The following GID8 variants were observed in gnomAD, a reference collection of about 807,000 sequenced individuals.
The protein encoded by GID8 is GID complex subunit 8 homolog.
Under a neutral mutation model 27.4 loss-of-function variants are expected in GID8, and 6 were observed. That is an observed-to-expected ratio of 0.22 (90% CI 0.12 to 0.43). GID8 has a LOEUF of 0.43. Ranked by LOEUF, GID8 falls within the 20% of genes least tolerant of loss-of-function variation. GID8 has a pLI of 1.00. For synonymous variants in GID8, 112 were observed against 109.0 expected, an observed-to-expected ratio of 1.03 and a Z score of -0.17; for missense variants, 173 against 287.6, an observed-to-expected ratio of 0.60 and a Z score of 2.88.
intron 1 of GID8, 84 bp from the exon 2 acceptor site, chr20:62,941,407 C>T (rs938843842): frequency 2.5e-5 from 19 of 759,388 alleles, no homozygotes; most frequent in Non-Finnish European, 3.3e-5. Context: ...GTGGGATTCT[C>T]CGGCTCACAG....
chr20:62,943,716 T>C lies in GID8; in HGVS notation c.513+24T>C, dbSNP rs746440562. On this transcript the variant is annotated intron_variant, in intron 4 of 4. Coordinates refer to ENST00000266069, the MANE Select transcript of GID8 (RefSeq NM_017896.3). This position sits in a 1 kb window ranked among gnomAD's most constrained non-coding sequence, Gnocchi z 4.7. ...AGGTGGGGCCTGCCAGAGGGAAGCTTTCTTCCATTCCCCATGTGCTCTGAG... is the reference window on the plus strand; with the variant it reads ...AGGTGGGGCCTGCCAGAGGGAAGCTCTCTTCCATTCCCCATGTGCTCTGAG... 1 of 1,581,632 alleles carries C rather than the reference T, an allele frequency of 6.3e-7. No homozygotes were observed. The highest frequency in any genetic ancestry group is 1.1e-5 in the South Asian group (1 of 90,354).
intron 2 of GID8, 71 bp downstream of exon 2, chr20:62,941,691 T>C: frequency 5.9e-6 from 5 of 852,880 alleles, no homozygotes; most frequent in Non-Finnish European, 1.0e-5. Flanking sequence ...AGGAGTGCTG[T>C]AGCACTGAGG....
At position 62,945,509 on chromosome 20, in the gene GID8, GTTT is replaced by G; in HGVS notation, c.*601_*603del. On this transcript the variant is annotated 3_prime_UTR_variant, in exon 5 of 5. Transcript: ENST00000266069. ...GGGGATGCGTGTGAGGGGGCTATGT[GTTT>G]TTTAATTTTTTAAATATATATTTTG... The G allele has an allele frequency of 1.9e-6, 2 of 1,046,186 alleles. No individual in the cohort carries two copies. The highest frequency in any genetic ancestry group is 6.1e-5 in the South Asian group (2 of 32,630). 64.8% of individuals were successfully genotyped at this position (1,046,186 alleles called of 1,614,324 possible).
Position 62,943,451 on chromosome 20 carries a change from G to A in GID8, c.316-44G>A, listed in dbSNP as rs995776640. On this transcript the variant is annotated intron_variant, in intron 3 of 4. Transcript: ENST00000266069. The surrounding 1 kb of genome is among the most constrained non-coding windows in gnomAD (Gnocchi z 4.7). Reference sequence around the variant, plus strand: ...CTGGTACCACCTGCCCTAAGTCCCTGGCCTGGGTGTGTGGGGGTCAAGCTT... The same window carrying A: ...CTGGTACCACCTGCCCTAAGTCCCTAGCCTGGGTGTGTGGGGGTCAAGCTT... 6.4e-7 allele frequency: 1 copy of A among 1,571,386 alleles called. No homozygotes were observed. Among genetic ancestry groups the A allele is most frequent in the Non-Finnish European group, 8.7e-7 (1 of 1,144,076 alleles).
rs1167456469 is a variant in GID8 at position 62,943,538 on chromosome 20, C to T, written c.359C>T (p.Ala120Val). Reference sequence around the variant, plus strand: ...CTGATCCGCCAGCGGGAGACAGAGGCGGCGCTGGAGTTTGCACAGACTCAG... The same window carrying T: ...CTGATCCGCCAGCGGGAGACAGAGGTGGCGCTGGAGTTTGCACAGACTCAG... ...IELIRQRETEAALEFAQTQLA... is the reference protein window; with the variant it reads ...IELIRQRETEVALEFAQTQLA... The change falls in exon 4 of 5, where the codon GCG becomes GTG. Residue 120 changes from alanine to valine, a missense_variant. Coordinates refer to ENST00000266069, the MANE Select transcript of GID8 (RefSeq NM_017896.3). This position sits in a 1 kb window ranked among gnomAD's most constrained non-coding sequence, Gnocchi z 4.7. 10 of 1,612,762 alleles carry T rather than the reference C, an allele frequency of 6.2e-6. No homozygotes were observed. Among genetic ancestry groups the T allele is most frequent in the African/African-American group, 4.0e-5 (3 of 74,888 alleles).
chr20:62,943,075 G>A lies in GID8; in HGVS notation c.207G>A (p.Lys69=). 6.2e-7 allele frequency: 1 copy of A among 1,612,830 alleles called. No homozygotes were observed. The highest frequency in any genetic ancestry group is 8.5e-7 in the Non-Finnish European group (1 of 1,179,338). ...VDLETLDERI[K]IREMILKGQI... The stretch of plus-strand genomic sequence containing the variant: ...TGGAAACACTTGATGAACGAATCAA[G>A]ATCCGGGAGATGATACTGAAAGGTC... The change falls in exon 3 of 5, where the codon AAG becomes AAA. Residue 69 remains lysine (K), a synonymous_variant. Transcript: ENST00000266069. The surrounding 1 kb of genome is among the most constrained non-coding windows in gnomAD (Gnocchi z 4.7).
At position 62,944,721 on chromosome 20, in the gene GID8, G is replaced by T; in HGVS notation, c.514-18G>T. 1 of 1,562,938 alleles carries T rather than the reference G, an allele frequency of 6.4e-7. No individual in the cohort carries two copies. Among genetic ancestry groups the T allele is most frequent in the Non-Finnish European group, 8.8e-7 (1 of 1,133,400 alleles). Reference sequence around the variant, plus strand: ...TCTGCGTGTATGGTGGTTTTTATCAGATGTATTTATATTCTAGGTGTGGAG... The same window carrying T: ...TCTGCGTGTATGGTGGTTTTTATCATATGTATTTATATTCTAGGTGTGGAG... On this transcript the variant is annotated intron_variant, in intron 4 of 4. Coordinates refer to ENST00000266069, the MANE Select transcript of GID8 (RefSeq NM_017896.3).
At position 62,943,463 on chromosome 20, in the gene GID8, TGGGG is replaced by T; in HGVS notation, c.316-30_316-27del. ...GCCCTAAGTCCCTGGCCTGGGTGTG[TGGGG>T]GTCAAGCTTGTCTGTCTCTGCCTCC... On this transcript the variant is annotated intron_variant, in intron 3 of 4. Coordinates refer to ENST00000266069, the MANE Select transcript of GID8 (RefSeq NM_017896.3). This position sits in a 1 kb window ranked among gnomAD's most constrained non-coding sequence, Gnocchi z 4.7. 6.2e-7 allele frequency: 1 copy of T among 1,600,310 alleles called. No individual in the cohort carries two copies. The highest frequency in any genetic ancestry group is 1.1e-5 in the South Asian group (1 of 90,708).
intron 1 of GID8, among the ~76,000 whole-genome samples, chr20:62,941,118 C>T (rs1307737559): frequency 6.6e-6 from 1 of 152,244 alleles, no homozygotes; most frequent in African/African-American, 2.4e-5. Context: ...TTCCACATTC[C>T]TGCCGCTTTG....
At chr20:62,940,167 C>G (rs759741904) in intron 1 of GID8, among the ~76,000 whole-genome samples, 6 of 151,254 alleles carry the variant, frequency 4.0e-5, no homozygotes, top group Non-Finnish European at 7.4e-5. Flanking sequence ...CTGCAACTCT[C>G]TTTTTCTTTT....
chr20:62,942,918 G>A, intron 2 of GID8, 69 bp from the exon 3 acceptor site: 1 of 1,151,248 alleles, frequency 8.7e-7, no homozygotes, highest in South Asian at 1.4e-5. Flanking sequence ...TGGAGTTTCT[G>A]GAGATACAAA....
At chr20:62,939,075 G>A (rs1163738743) in intron 1 of GID8, among the ~76,000 whole-genome samples, 2 of 151,948 alleles carry the variant, frequency 1.3e-5, no homozygotes, top group Non-Finnish European at 2.9e-5. Flanking sequence ...CCATGATCGC[G>A]CCACTGCCCT....
intron 1 of GID8, among the ~76,000 whole-genome samples, chr20:62,940,119 G>C (rs1312701462): frequency 1.3e-5 from 2 of 151,044 alleles, no homozygotes; most frequent in East Asian, 1.9e-4. Context: ...ATTTTGTCTT[G>C]TTGTTCCTGA....
At chr20:62,942,388 G>A (rs1464294866) in intron 2 of GID8, among the ~76,000 whole-genome samples, 2 of 152,182 alleles carry the variant, frequency 1.3e-5, no homozygotes, top group Non-Finnish European at 2.9e-5. Context: ...GAAGGCGGAG[G>A]TTGCAGTGAG....
intron 4 of GID8, 49 bp from the exon 5 acceptor site, chr20:62,944,690 T>C: frequency 7.8e-7 from 1 of 1,280,156 alleles, no homozygotes; most frequent in South Asian, 1.2e-5. Flanking sequence ...TAGACTCTGC[T>C]GGTGCTCTGC....
In GID8 at chr20:62,941,587, A is replaced by T. The variant is rs1450156572; in HGVS notation, c.85A>T (p.Met29Leu). Residue 29 changes from methionine (M) to leucine (L), a missense_variant, in exon 2 of 5, where the codon ATG becomes TTG. Physicochemically the swap from Met to Leu is conservative, Grantham distance 15. Transcript: ENST00000266069. ...LNNLHVQRADMNRLIMNYLVT... is the reference protein window; with the variant it reads ...LNNLHVQRADLNRLIMNYLVT... ...TAACTTGCATGTCCAGAGAGCAGACATGAACCGCCTCATCATGAACTACCT... is the reference window on the plus strand; with the variant it reads ...TAACTTGCATGTCCAGAGAGCAGACTTGAACCGCCTCATCATGAACTACCT... 6.8e-6 allele frequency: 11 copies of T among 1,608,482 alleles called. No individual in the cohort carries two copies. Among genetic ancestry groups the T allele is most frequent in the Non-Finnish European group, 8.5e-7 (1 of 1,174,884 alleles).
At position 62,943,242 on chromosome 20, in the gene GID8, C is replaced by T. The variant is rs60662003; in HGVS notation, c.315+59C>T. 1.8e-5 allele frequency: 21 copies of T among 1,141,958 alleles called. No individual in the cohort carries two copies. The South Asian group carries it at 2.9e-4, about 16-fold the overall frequency. 70.7% of individuals were successfully genotyped at this position (1,141,958 alleles called of 1,614,324 possible). ...ATACTTGATAAGTTAAAGTTATTTGCAATGATTGAGAAATAACTAGGCTAA... is the reference window on the plus strand; with the variant it reads ...ATACTTGATAAGTTAAAGTTATTTGTAATGATTGAGAAATAACTAGGCTAA... On this transcript the variant is annotated intron_variant, in intron 3 of 4. Transcript: ENST00000266069. The surrounding 1 kb of genome is among the most constrained non-coding windows in gnomAD (Gnocchi z 4.7).
rs1037095178 is a variant in GID8, at chr20:62,943,939, G to C, written c.513+247G>C. Among the ~76,000 whole-genome samples, 2 of 151,164 alleles carry C rather than the reference G, an allele frequency of 1.3e-5. No homozygotes were observed. The highest frequency in any genetic ancestry group is 4.9e-5 in the African/African-American group (2 of 41,156). ...CAACCCCCGCCTCCTGTGTTCAAGC[G>C]ATTCTCCTGCCTCTGCCTCCCAAGT... On this transcript the variant is annotated intron_variant, in intron 4 of 4. Transcript: ENST00000266069. The surrounding 1 kb of genome is among the most constrained non-coding windows in gnomAD (Gnocchi z 4.7).
chr20:62,941,865 T>C (rs748399340), intron 2 of GID8, among the ~76,000 whole-genome samples: 13 of 152,252 alleles, frequency 8.5e-5, no homozygotes, highest in Admixed American at 6.5e-4. Flanking sequence ...TTACAGTTAC[T>C]CAAAATAATT....
Sources: allele counts gnomAD v4.1 joint callset (sites outside exome capture counted in the v4.1 genomes callset), GRCh38; gene constraint gnomAD v4.1.1; non-coding constraint Gnocchi (gnomAD v3.1); transcripts MANE v1.5; gene names NCBI Gene and HGNC (gene_info 2026-07-23, HGNC 2026-07-21).